The following HTR1F variants were observed in gnomAD, a reference collection of about 807,000 sequenced individuals.
The protein encoded by HTR1F is 5-hydroxytryptamine (serotonin) receptor 1F, G protein-coupled.
In HTR1F, 17 loss-of-function variants were observed where a neutral mutation model predicts 24.0. The observed-to-expected ratio is 0.71, with a 90% CI of 0.48 to 1.06. HTR1F has a LOEUF of 1.06. Among genes scored for constraint, HTR1F ranks in the 50% least tolerant of loss-of-function variants. The pLI is 0.00. For synonymous variants in HTR1F, 186 were observed against 156.8 expected, an observed-to-expected ratio of 1.19 and a Z score of -1.39; for missense variants, 391 against 427.8, an observed-to-expected ratio of 0.91 and a Z score of 0.76.
chr3:87,925,486 C>T (rs1458267627), intron 2 of HTR1F, among the ~76,000 whole-genome samples: 1 of 152,064 alleles, frequency 6.6e-6, no homozygotes, highest in Non-Finnish European at 1.5e-5. Context: ...ACTGATCTAG[C>T]TGGGGTCATG....
intron 2 of HTR1F, among the ~76,000 whole-genome samples, chr3:87,979,551 A>G (rs1197649177): frequency 6.6e-6 from 1 of 152,196 alleles, no homozygotes. Flanking sequence ...CAGATCCTGG[A>G]TGAGCCCCTA....
intron 2 of HTR1F, among the ~76,000 whole-genome samples, chr3:87,901,907 C>A (rs1472513385): frequency 6.6e-6 from 1 of 152,062 alleles, no homozygotes; most frequent in East Asian, 1.9e-4. Context: ...ACGACCTCTA[C>A]AAAATAATTG....
At chr3:87,859,703 T>A (rs1705276163) in intron 2 of HTR1F, among the ~76,000 whole-genome samples, 1 of 152,168 alleles carries the variant, frequency 6.6e-6, no homozygotes, top group Non-Finnish European at 1.5e-5. Flanking sequence ...TGGCTCAGCC[T>A]CCCTCTTGCT....
At chr3:87,839,007 AT>A (rs35528055) in intron 2 of HTR1F, among the ~76,000 whole-genome samples, 15,166 of 141,908 alleles carry the variant, frequency 0.11, 889 homozygotes, top group East Asian at 0.17. Flanking sequence ...TTATTTATTT[AT>A]TTTATTTTTA....
chr3:87,990,675 C>T, intron 2 of HTR1F, 33 bp from the exon 3 acceptor site: 13 of 1,128,986 alleles, frequency 1.2e-5, no homozygotes, highest in Non-Finnish European at 1.7e-5. Context: ...TTGAAGCCTT[C>T]TCTGAACTGT....
At chr3:87,858,659 C>T (rs545753468) in intron 2 of HTR1F, among the ~76,000 whole-genome samples, 16 of 150,704 alleles carry the variant, frequency 1.1e-4, no homozygotes, top group Non-Finnish European at 2.1e-4. Flanking sequence ...TGGATATTCT[C>T]GGTTTTTTTT....
At chr3:87,955,199 T>G (rs4858967) in intron 2 of HTR1F, among the ~76,000 whole-genome samples, 2,997 of 151,674 alleles carry the variant, frequency 0.02, 199 homozygotes, top group Admixed American at 0.14. Flanking sequence ...TCAGGTTTTT[T>G]TGCAGTCCTT....
intron 1 of HTR1F, among the ~76,000 whole-genome samples, chr3:87,814,755 C>A (rs1358338334): frequency 6.6e-6 from 1 of 152,076 alleles, no homozygotes; most frequent in Non-Finnish European, 1.5e-5. Context: ...TTCTATACTA[C>A]TTGTTTCCTT....
intron 2 of HTR1F, among the ~76,000 whole-genome samples, chr3:87,906,928 C>T (rs1450601635): frequency 6.6e-6 from 1 of 152,008 alleles, no homozygotes; most frequent in Non-Finnish European, 1.5e-5. Flanking sequence ...TCTTTAGCCA[C>T]TCGTTGATTG....
chr3:87,874,872 T>C (rs1705635404), intron 2 of HTR1F, among the ~76,000 whole-genome samples: 1 of 152,128 alleles, frequency 6.6e-6, no homozygotes, highest in Admixed American at 6.5e-5. Context: ...GTGTGAAGAC[T>C]ACACCATGTG....
chr3:87,807,285 GT>G (rs1168924392), intron 1 of HTR1F, among the ~76,000 whole-genome samples: 1 of 151,628 alleles, frequency 6.6e-6, no homozygotes, highest in African/African-American at 2.4e-5. Flanking sequence ...CCTTCGTGTT[GT>G]TTTTAATTTA....
chr3:87,961,447 G>A (rs765370837), intron 2 of HTR1F, among the ~76,000 whole-genome samples: 1 of 151,918 alleles, frequency 6.6e-6, no homozygotes, highest in Non-Finnish European at 1.5e-5. Context: ...CAGTATCCTG[G>A]CTACTTGTGC....
intron 1 of HTR1F, among the ~76,000 whole-genome samples, chr3:87,805,126 A>G (rs904817156): frequency 2.6e-5 from 4 of 151,744 alleles, no homozygotes; most frequent in African/African-American, 4.8e-5. Flanking sequence ...TTGCTCCCTT[A>G]TTTGATTGTG....
At chr3:87,872,359 AT>A (rs1344761614) in intron 2 of HTR1F, among the ~76,000 whole-genome samples, 1 of 152,062 alleles carries the variant, frequency 6.6e-6, no homozygotes. Flanking sequence ...TCTTGTTACT[AT>A]GCAAGTAAGA....
intron 2 of HTR1F, among the ~76,000 whole-genome samples, chr3:87,925,426 G>A (rs917207914): frequency 6.6e-6 from 1 of 152,064 alleles, no homozygotes; most frequent in Non-Finnish European, 1.5e-5. Context: ...ACTTCTTTTT[G>A]GGGATGCAGG....
chr3:87,876,950 AT>A (rs2107270413), intron 2 of HTR1F, among the ~76,000 whole-genome samples: 1 of 152,284 alleles, frequency 6.6e-6, no homozygotes, highest in South Asian at 2.1e-4. Flanking sequence ...AAGATGGTAA[AT>A]TTTATGATAT....
intron 2 of HTR1F, among the ~76,000 whole-genome samples, chr3:87,892,766 T>C (rs1706113026): frequency 6.6e-6 from 1 of 152,170 alleles, no homozygotes; most frequent in Non-Finnish European, 1.5e-5. Context: ...GGGCTTTTTT[T>C]TTAATCTATA....
At chr3:87,987,385 G>A (rs1416064042) in intron 2 of HTR1F, among the ~76,000 whole-genome samples, 2 of 151,348 alleles carry the variant, frequency 1.3e-5, no homozygotes, top group African/African-American at 2.4e-5. Flanking sequence ...AGACTGTGAG[G>A]TTCACTGATA....
Position 87,839,024 on chromosome 3 carries a change from A to AT in HTR1F, c.-43+16912dup, listed in dbSNP as rs1372260151. On this transcript the variant is annotated intron_variant, in intron 2 of 2. Coordinates refer to ENST00000319595, the MANE Select transcript of HTR1F (RefSeq NM_001322209.2). Reference sequence around the variant, plus strand: ...ATTTATTTATTTTATTTTTATTTTTATTTTTTTTTTTTGCTGTCTAGAAGC... The same window carrying AT: ...ATTTATTTATTTTATTTTTATTTTTATTTTTTTTTTTTTGCTGTCTAGAAGC... Among the ~76,000 whole-genome samples, 992 of 124,702 alleles carry AT rather than the reference A, an allele frequency of 8.0e-3. 7 individuals carry two copies. The highest frequency in any genetic ancestry group is 0.061 in the East Asian group (246 of 4,042). The allele number at this position is 124,702 out of a possible 152,430, so 81.8% of individuals were successfully genotyped here.
Sources: gnomAD v4.1 joint callset for allele counts (sites outside exome capture counted in the v4.1 genomes callset) on GRCh38, gnomAD v4.1.1 for gene constraint, MANE v1.5 for transcripts, NCBI Gene and HGNC (gene_info 2026-07-23, HGNC 2026-07-21) for gene names.